PTPRO: variants seen among roughly 807,000 people sequenced by gnomAD.
PTPRO encodes protein tyrosine phosphatase receptor type O, also known as receptor-type tyrosine-protein phosphatase O.
PTPRO carries 62 observed loss-of-function variants against 145.2 expected under a neutral mutation model. That is an observed-to-expected ratio of 0.43 (90% CI 0.35 to 0.53). The LOEUF is 0.53. Among genes scored for constraint, PTPRO ranks in the 20% least tolerant of loss-of-function variants. The probability of loss-of-function intolerance (pLI) is 0.01; values close to 1 mark genes in which losing one functional copy is unlikely to be tolerated. For synonymous variants in PTPRO, 565 were observed against 514.7 expected, an observed-to-expected ratio of 1.10 and a Z score of -1.32; for missense variants, 1,345 against 1,482.7, an observed-to-expected ratio of 0.91 and a Z score of 1.53.
chr12:15,476,745 A>C (rs946731179), intron 1 of PTPRO, among the ~76,000 whole-genome samples: 2 of 151,962 alleles, frequency 1.3e-5, no homozygotes, highest in Non-Finnish European at 1.5e-5. Context: ...AAAACACATG[A>C]AAAAATGCTC....
chr12:15,501,395 G>C (rs1239554214), intron 4 of PTPRO, among the ~76,000 whole-genome samples: 1 of 152,186 alleles, frequency 6.6e-6, no homozygotes, highest in Non-Finnish European at 1.5e-5. Flanking sequence ...TATATTTGAA[G>C]TGTGACTAGT....
In PTPRO at chr12:15,581,777, C is replaced by T. The variant is rs1197303702; in HGVS notation, c.3231C>T (p.Ala1077=). 15 of 1,613,956 alleles carry T rather than the reference C, an allele frequency of 9.3e-6. No individual in the cohort carries two copies. The highest frequency in any genetic ancestry group is 1.3e-5 in the Non-Finnish European group (15 of 1,179,912). The change falls in exon 23 of 27, where the codon GCC becomes GCT. Residue 1077 remains alanine (A), a synonymous_variant. Coordinates refer to ENST00000281171, the MANE Select transcript of PTPRO (RefSeq NM_030667.3). ...CAGAGGAAGAGCAGGACGACTGGGC[C>T]TGTAGACACTTCCGGATCAACTATG... ...MISEEEQDDW[A]CRHFRINYAD...
chr12:15,416,062 C>T (rs1374210979), intron 1 of PTPRO, among the ~76,000 whole-genome samples: 2 of 151,722 alleles, frequency 1.3e-5, no homozygotes, highest in Non-Finnish European at 2.9e-5. Flanking sequence ...TGTCTGTCTG[C>T]ACCACTTGAG....
At position 15,580,009 on chromosome 12, in the gene PTPRO, T is replaced by C. The variant is rs1189011754; in HGVS notation, c.2921-30T>C. 1.9e-6 allele frequency: 3 copies of C among 1,582,698 alleles called. No individual in the cohort carries two copies. The East Asian group carries it at 6.7e-5, about 35-fold the overall frequency. On this transcript the variant is annotated intron_variant, in intron 20 of 26. Transcript: ENST00000281171. ...ATAATTTTTCCTTCCATCTTGAATT[T>C]TAATATTTTTTTCTCCTTATTCTCT...
intron 1 of PTPRO, among the ~76,000 whole-genome samples, chr12:15,481,698 A>G (rs147459009): frequency 3.9e-5 from 6 of 152,324 alleles, no homozygotes; most frequent in Non-Finnish European, 7.4e-5. Flanking sequence ...AGTCTATTCA[A>G]TGTTAAGACA....
chr12:15,585,909 C>T (rs1019213212), intron 23 of PTPRO, among the ~76,000 whole-genome samples: 22 of 152,202 alleles, frequency 1.4e-4, no homozygotes, highest in African/African-American at 4.8e-4. Context: ...TCAGAGAGAA[C>T]AACAATATAT....
At chr12:15,388,588 C>T (rs983891625) in intron 1 of PTPRO, among the ~76,000 whole-genome samples, 3 of 152,164 alleles carry the variant, frequency 2.0e-5, no homozygotes, top group African/African-American at 4.8e-5. Context: ...CATTAATATT[C>T]AACATTAAGT....
At position 15,566,474 on chromosome 12, in the gene PTPRO, T is replaced by A. The variant is rs1591745531; in HGVS notation, c.2747+846T>A. On this transcript the variant is annotated intron_variant, in intron 18 of 26. Coordinates refer to ENST00000281171, the MANE Select transcript of PTPRO (RefSeq NM_030667.3). ...TTTTATGGCATATATGAAAACAGAA[T>A]AATTTTTTCTAAGTCAATTTCATTT... Among the ~76,000 whole-genome samples the A allele has an allele frequency of 7.9e-5, 12 of 152,264 alleles. No individual in the cohort carries two copies. In the South Asian group the frequency reaches 2.5e-3, roughly 32 times the overall value.
chr12:15,515,733 A>G lies in PTPRO; in HGVS notation c.1585+115A>G, dbSNP rs1361807202. 3.8e-6 allele frequency: 5 copies of G among 1,325,160 alleles called. No individual in the cohort carries two copies. In the East Asian group the frequency reaches 9.2e-5, roughly 24 times the overall value. The allele number at this position is 1,325,160 out of a possible 1,614,324, so 82.1% of individuals were successfully genotyped here. A position where few individuals can be genotyped will look rare whatever the true frequency, so the allele number is the denominator to read the frequency against. On this transcript the variant is annotated intron_variant, in intron 8 of 26. Transcript: ENST00000281171. ...GTATTTGGAAGGTCCATATTAGTTC[A>G]TCCAATATGCTACCTTCAGAGTAAT...
At chr12:15,506,240 C>T (rs1942318784) in intron 6 of PTPRO, among the ~76,000 whole-genome samples, 1 of 152,176 alleles carries the variant, frequency 6.6e-6, no homozygotes, top group Non-Finnish European at 1.5e-5. Flanking sequence ...ATGTAGTTCT[C>T]TAACACATAT....
intron 9 of PTPRO, among the ~76,000 whole-genome samples, chr12:15,519,133 C>T (rs527660868): frequency 5.3e-5 from 8 of 152,276 alleles, no homozygotes; most frequent in Non-Finnish European, 7.3e-5. Context: ...ACAATCATGG[C>T]GGGAGGCAAA....
intron 1 of PTPRO, among the ~76,000 whole-genome samples, chr12:15,374,916 T>G (rs1938635898): frequency 6.6e-6 from 1 of 152,190 alleles, no homozygotes; most frequent in Non-Finnish European, 1.5e-5. Context: ...CCCTCATCTC[T>G]GACTGATGTT....
In PTPRO at chr12:15,578,907, A is replaced by T; in HGVS notation, c.2884A>T (p.Asn962Tyr). 3.1e-6 allele frequency: 5 copies of T among 1,607,044 alleles called. No individual in the cohort carries two copies. Among genetic ancestry groups the T allele is most frequent in the Non-Finnish European group, 4.3e-6 (5 of 1,173,582 alleles). Residue 962 changes from asparagine (N) to tyrosine (Y), a missense_variant, in exon 20 of 27, where the codon AAT becomes TAT. Physicochemically the swap from Asn to Tyr is moderately radical, Grantham distance 143. Around this residue, in one of 3 missense-constraint regions of PTPRO, gnomAD observed 1,130 missense variants for 1,214.7 expected, o/e 0.93. Transcript: ENST00000281171. ...ACACTTTGCTGCAGATCTTCCACTG[A>T]ATCGATGTAAAAACCGTTACACAAA... is the stretch of plus-strand genomic sequence containing the variant. Reference protein sequence around the residue: ...IPHFAADLPLNRCKNRYTNIL... With the variant: ...IPHFAADLPLYRCKNRYTNIL...
chr12:15,415,803 T>C (rs1408414358), intron 1 of PTPRO, among the ~76,000 whole-genome samples: 2 of 151,812 alleles, frequency 1.3e-5, no homozygotes, highest in African/African-American at 4.9e-5. Flanking sequence ...GTTTGAAGTA[T>C]CTAAGTAATG....
At chr12:15,524,991 G>C (rs778823707) in intron 11 of PTPRO, 26 bp downstream of exon 11, 1 of 1,611,908 alleles carries the variant, frequency 6.2e-7, no homozygotes, top group Non-Finnish European at 8.5e-7. Flanking sequence ...TGCCAGCATT[G>C]TGTGTCTGTA....
At chr12:15,494,789 A>G (rs999834398) in intron 2 of PTPRO, among the ~76,000 whole-genome samples, 1 of 152,218 alleles carries the variant, frequency 6.6e-6, no homozygotes, top group Non-Finnish European at 1.5e-5. Flanking sequence ...GCCTCAGGGC[A>G]TGAAAGATTG....
At chr12:15,425,577 A>T (rs1466268971) in intron 1 of PTPRO, among the ~76,000 whole-genome samples, 2 of 152,142 alleles carry the variant, frequency 1.3e-5, no homozygotes, top group African/African-American at 2.4e-5. Flanking sequence ...TTATAATTTT[A>T]TACTTCTGTG....
intron 1 of PTPRO, among the ~76,000 whole-genome samples, chr12:15,432,578 C>T (rs1940473231): frequency 6.6e-6 from 1 of 152,210 alleles, no homozygotes; most frequent in Admixed American, 6.5e-5. Flanking sequence ...GGAATTGCCA[C>T]AGTGTCTTCC....
At chr12:15,422,321 T>C (rs1042098860) in intron 1 of PTPRO, among the ~76,000 whole-genome samples, 2 of 152,180 alleles carry the variant, frequency 1.3e-5, no homozygotes, top group Admixed American at 6.5e-5. Flanking sequence ...GAGGCAATTG[T>C]AAGAGCTTAC....
Sources: allele counts gnomAD v4.1 joint callset (sites outside exome capture counted in the v4.1 genomes callset), GRCh38; gene constraint gnomAD v4.1.1; regional missense constraint gnomAD v4.1.1; transcripts MANE v1.5; gene names NCBI Gene and HGNC (gene_info 2026-07-23, HGNC 2026-07-21).